MIS18A: variants seen among roughly 807,000 people sequenced by gnomAD.
The protein encoded by MIS18A is MIS18 kinetochore protein A, also known as protein Mis18-alpha.
A neutral mutation model predicts 25.0 loss-of-function variants in MIS18A; 14 were observed. The observed-to-expected ratio is 0.56, with a 90% confidence interval of 0.37 to 0.88. MIS18A has a LOEUF of 0.88. MIS18A is among the 40% of genes least tolerant of loss of function. The pLI is 0.00. For synonymous variants in MIS18A, 134 were observed against 118.6 expected (o/e 1.13, Z -0.84); for missense variants, 292 against 290.8 (o/e 1.00, Z -0.03).
the MIS18A span, among the ~76,000 whole-genome samples, chr21:32,234,251 G>A: frequency 6.6e-6 from 1 of 152,182 alleles, no homozygotes; most frequent in Non-Finnish European, 1.5e-5. Flanking sequence ...GAGACCAGAG[G>A]TGGTTGGAGC....
chr21:32,267,529 C>G (rs975736674), downstream of MIS18A, among the ~76,000 whole-genome samples: 1 of 152,170 alleles, frequency 6.6e-6, no homozygotes, highest in Non-Finnish European at 1.5e-5. Context: ...AGTGAACTGG[C>G]TACAAATATT....
chr21:32,176,518 T>A, the MIS18A span, among the ~76,000 whole-genome samples: 1 of 152,218 alleles, frequency 6.6e-6, no homozygotes, highest in Non-Finnish European at 1.5e-5. Flanking sequence ...CCATTTTAAA[T>A]GAATGATAAT....
chr21:32,255,817 G>A, the MIS18A span, among the ~76,000 whole-genome samples: 21 of 151,796 alleles, frequency 1.4e-4, no homozygotes, highest in East Asian at 3.8e-3. Context: ...AGTAAACCTG[G>A]GACGCAGAGC....
At chr21:32,262,145 A>T in the MIS18A span, among the ~76,000 whole-genome samples, 1 of 152,214 alleles carries the variant, frequency 6.6e-6, no homozygotes, top group East Asian at 1.9e-4. Flanking sequence ...CATGTGTAAA[A>T]TGGGTATGAT....
chr21:32,218,865 GACCAGCCTGGCCA>G, the MIS18A span, among the ~76,000 whole-genome samples: 3 of 152,070 alleles, frequency 2.0e-5, no homozygotes, highest in Non-Finnish European at 4.4e-5. Flanking sequence ...AGGAGTTCAA[GACCAGCCTGGCCA>G]ACATGGTGAA....
the MIS18A span, among the ~76,000 whole-genome samples, chr21:32,216,184 TAGAA>T: frequency 2.6e-5 from 4 of 152,094 alleles, no homozygotes; most frequent in East Asian, 7.7e-4. Context: ...GGTAAAAAAA[TAGAA>T]AGCTTTGTGG....
chr21:32,216,246 CA>C, the MIS18A span, among the ~76,000 whole-genome samples: 1 of 152,292 alleles, frequency 6.6e-6, no homozygotes, highest in East Asian at 1.9e-4. Context: ...CCCAGATTTG[CA>C]GTACTCTGGA....
the MIS18A span, among the ~76,000 whole-genome samples, chr21:32,199,833 C>T: frequency 2.6e-5 from 4 of 151,904 alleles, no homozygotes; most frequent in Non-Finnish European, 5.9e-5. Context: ...CACAAACAAA[C>T]AAACAAAAAA....
chr21:32,186,719 C>T, the MIS18A span, among the ~76,000 whole-genome samples: 1 of 152,178 alleles, frequency 6.6e-6, no homozygotes, highest in East Asian at 1.9e-4. Context: ...AAGTACCATT[C>T]ACACGAGCAA....
chr21:32,224,938 T>A, the MIS18A span, among the ~76,000 whole-genome samples: 3 of 128,766 alleles, frequency 2.3e-5, no homozygotes, highest in Non-Finnish European at 4.9e-5. Context: ...GAGATATAGA[T>A]CAATGGAACA....
chr21:32,190,821 C>T, the MIS18A span, among the ~76,000 whole-genome samples: 1 of 152,192 alleles, frequency 6.6e-6, no homozygotes, highest in African/African-American at 2.4e-5. Flanking sequence ...TCAGCCCAAC[C>T]TGGAAAGTCC....
the MIS18A span, among the ~76,000 whole-genome samples, chr21:32,243,838 TG>T: frequency 6.6e-6 from 1 of 151,926 alleles, no homozygotes; most frequent in Non-Finnish European, 1.5e-5. Context: ...GCTAACATGA[TG>T]AAACCCTGTC....
At chr21:32,183,318 T>C in the MIS18A span, among the ~76,000 whole-genome samples, 3 of 152,194 alleles carry the variant, frequency 2.0e-5, no homozygotes, top group Non-Finnish European at 4.4e-5. Context: ...TAGACAACCA[T>C]AGCTGTGTAG....
chr21:32,231,652 A>G, the MIS18A span, among the ~76,000 whole-genome samples: 1 of 152,194 alleles, frequency 6.6e-6, no homozygotes, highest in Non-Finnish European at 1.5e-5. Flanking sequence ...GTTAAACATA[A>G]GAGTTAATAC....
At chr21:32,176,222 CG>C in the MIS18A span, among the ~76,000 whole-genome samples, 3 of 152,130 alleles carry the variant, frequency 2.0e-5, no homozygotes, top group African/African-American at 7.2e-5. Context: ...TTATCATTAT[CG>C]AGTATTATGT....
At chr21:32,278,653 C>T (rs576642959) in intron 1 of MIS18A, 28 bp downstream of exon 1, 18 of 1,478,302 alleles carry the variant, frequency 1.2e-5, no homozygotes, top group Non-Finnish European at 1.4e-5. Flanking sequence ...GACCCCACGC[C>T]CCCCCTGCCC....
chr21:32,201,586 C>T, the MIS18A span, among the ~76,000 whole-genome samples: 4 of 152,032 alleles, frequency 2.6e-5, no homozygotes, highest in Non-Finnish European at 4.4e-5. Context: ...TTTGGGAGGC[C>T]GAGGCGGGAA....
chr21:32,256,636 G>A, the MIS18A span, among the ~76,000 whole-genome samples: 1 of 152,300 alleles, frequency 6.6e-6, no homozygotes, highest in East Asian at 1.9e-4. Context: ...ATTGAAGATG[G>A]AAGCTGTTCT....
At chr21:32,265,532 T>C (rs556038487), downstream of MIS18A, among the ~76,000 whole-genome samples, 34 of 152,350 alleles carry the variant, frequency 2.2e-4, no homozygotes, top group South Asian at 8.3e-4. Context: ...ACCGGCGCTG[T>C]GCTGGATTTC....
Sources: allele counts gnomAD v4.1 joint callset (sites outside exome capture counted in the v4.1 genomes callset), GRCh38; gene constraint gnomAD v4.1.1; transcripts MANE v1.5; gene names NCBI Gene and HGNC (gene_info 2026-07-23, HGNC 2026-07-21).